Variants in RHOU observed in about 807,000 individuals in gnomAD.
RHOU encodes ras homolog family member U.
Under a neutral mutation model 12.6 loss-of-function variants are expected in RHOU, and 8 were observed. The observed-to-expected ratio is 0.64, with a 90% CI of 0.37 to 1.15. The LOEUF is 1.15. Among genes scored for constraint, RHOU ranks in the 50% most tolerant of loss-of-function variants. The pLI is 0.01. For synonymous variants in RHOU, 161 were observed against 147.4 expected (o/e 1.09, Z -0.67); for missense variants, 258 against 347.0 (o/e 0.74, Z 2.04).
chr1:228,671,712 C>CAAAAAAA, the RHOU span, among the ~76,000 whole-genome samples: 6 of 65,208 alleles, frequency 9.2e-5, no homozygotes, highest in Admixed American at 2.1e-4. Flanking sequence ...GACTCCATCT[C>CAAAAAAA]AAAAAAAAAA....
chr1:228,674,429 C>T, the RHOU span, among the ~76,000 whole-genome samples: 1 of 151,280 alleles, frequency 6.6e-6, no homozygotes, highest in Admixed American at 6.6e-5. Context: ...TCACTGCAAC[C>T]TCTGCCTCCC....
the RHOU span, among the ~76,000 whole-genome samples, chr1:228,673,645 G>C: frequency 2.6e-5 from 4 of 152,016 alleles, no homozygotes; most frequent in Non-Finnish European, 4.4e-5. Context: ...TCCTGCTCTG[G>C]GCATGTAAGA....
the RHOU span, chr1:228,648,025 C>A: frequency 6.6e-6 from 1 of 152,274 alleles, no homozygotes; most frequent in African/African-American, 2.4e-5. Flanking sequence ...GGTGGTATGG[C>A]CTTAGACGCC....
the RHOU span, among the ~76,000 whole-genome samples, chr1:228,730,283 A>G: frequency 6.6e-6 from 1 of 152,202 alleles, no homozygotes; most frequent in Non-Finnish European, 1.5e-5. Context: ...AGAAAAGCCA[A>G]TAGTAAGTTA....
At chr1:228,658,420 C>G in the RHOU span, among the ~76,000 whole-genome samples, 1 of 152,160 alleles carries the variant, frequency 6.6e-6, no homozygotes, top group East Asian at 1.9e-4. Context: ...ACTCCTGTCT[C>G]CTCCACGTGG....
the RHOU span, among the ~76,000 whole-genome samples, chr1:228,677,737 A>G: frequency 6.6e-6 from 1 of 152,182 alleles, no homozygotes; most frequent in Non-Finnish European, 1.5e-5. Flanking sequence ...ATTGGAGGGT[A>G]CCTTGCCACT....
At chr1:228,650,667 C>A in the RHOU span, 2 of 482,800 alleles carry the variant, frequency 4.1e-6, no homozygotes, top group African/African-American at 2.0e-5. Flanking sequence ...TCGTTTCACT[C>A]GTTTCAAAGT....
the RHOU span, chr1:228,687,482 A>T: frequency 6.3e-7 from 1 of 1,578,520 alleles, no homozygotes; most frequent in South Asian, 1.1e-5. Flanking sequence ...ATGCTGAGAA[A>T]CTGATGAAGC....
the RHOU span, among the ~76,000 whole-genome samples, chr1:228,696,567 GAC>G: frequency 1.3e-5 from 2 of 151,472 alleles, no homozygotes; most frequent in Non-Finnish European, 2.9e-5. Context: ...TGTTTTTTGA[GAC>G]AGAGTCTTGC....
chr1:228,707,255 A>ATAC, the RHOU span, among the ~76,000 whole-genome samples: 15 of 40,700 alleles, frequency 3.7e-4, no homozygotes, highest in African/African-American at 1.6e-3. Context: ...ATATATATAT[A>ATAC]GTGTGTGTGT....
the RHOU span, among the ~76,000 whole-genome samples, chr1:228,671,216 G>T: frequency 6.6e-6 from 1 of 152,018 alleles, no homozygotes; most frequent in Non-Finnish European, 1.5e-5. Flanking sequence ...TGTTGGCAAG[G>T]CTGGTCTCAA....
the RHOU span, among the ~76,000 whole-genome samples, chr1:228,658,652 A>G: frequency 6.6e-6 from 1 of 152,220 alleles, no homozygotes; most frequent in African/African-American, 2.4e-5. Flanking sequence ...TAAACAACCA[A>G]TGGGTTAAAG....
chr1:228,650,723 A>G, the RHOU span: 1,148 of 466,720 alleles, frequency 2.5e-3, 14 homozygotes, highest in African/African-American at 0.022. Flanking sequence ...AGTGCTAAAC[A>G]TCAACTACAG....
the RHOU span, among the ~76,000 whole-genome samples, chr1:228,710,670 A>G: frequency 6.6e-6 from 1 of 150,914 alleles, no homozygotes; most frequent in Non-Finnish European, 1.5e-5. Context: ...TCAAAATAAT[A>G]AGAGCTATCT....
chr1:228,710,635 AAATTAG>A, the RHOU span, among the ~76,000 whole-genome samples: 1 of 152,070 alleles, frequency 6.6e-6, no homozygotes, highest in Non-Finnish European at 1.5e-5. Context: ...AACTCTCAAT[AAATTAG>A]GTATTGATGG....
the RHOU span, among the ~76,000 whole-genome samples, chr1:228,696,773 C>T: frequency 1.3e-5 from 2 of 151,958 alleles, no homozygotes; most frequent in African/African-American, 2.4e-5. Context: ...TCTCGAACTC[C>T]GAGGCTCAAG....
At chr1:228,709,906 C>T in the RHOU span, among the ~76,000 whole-genome samples, 3 of 152,004 alleles carry the variant, frequency 2.0e-5, no homozygotes, top group African/African-American at 2.4e-5. Flanking sequence ...AATTGATAGA[C>T]CGCTAGCAAG....
At chr1:228,687,717 G>A in the RHOU span, 19 of 1,466,068 alleles carry the variant, frequency 1.3e-5, no homozygotes, top group East Asian at 3.6e-4. Context: ...AGCCATCAAA[G>A]AATTGGGTGA....
the RHOU span, among the ~76,000 whole-genome samples, chr1:228,703,128 G>A: frequency 6.6e-6 from 1 of 152,170 alleles, no homozygotes; most frequent in African/African-American, 2.4e-5. Flanking sequence ...GCAAGACAAT[G>A]TATGTACATT....
Sources: allele counts gnomAD v4.1 joint callset (sites outside exome capture counted in the v4.1 genomes callset), GRCh38; gene constraint gnomAD v4.1.1; transcripts MANE v1.5; gene names NCBI Gene and HGNC (gene_info 2026-07-23, HGNC 2026-07-21).